ANKRD42: variants seen among roughly 807,000 people sequenced by gnomAD.
ANKRD42 encodes the protein ankyrin repeat domain-containing protein 42.
ANKRD42 carries 43 observed loss-of-function variants against 51.5 expected under a neutral mutation model. The observed-to-expected ratio is 0.83, with a 90% CI of 0.65 to 1.08. The LOEUF (loss-of-function observed/expected upper bound fraction) is 1.08. ANKRD42 is among the 50% of genes least tolerant of loss of function. The probability of loss-of-function intolerance (pLI) is 0.00; values close to 1 mark genes in which losing one functional copy is unlikely to be tolerated. For synonymous variants in ANKRD42, 203 were observed against 213.0 expected, an observed-to-expected ratio of 0.95 and a Z score of 0.41; for missense variants, 608 against 629.3, an observed-to-expected ratio of 0.97 and a Z score of 0.36.
At chr11:83,260,735 A>G (rs970209221), downstream of ANKRD42, 1 of 152,234 alleles carries the variant, frequency 6.6e-6, no homozygotes, top group Non-Finnish European at 1.5e-5. Flanking sequence ...GTAAGACTGA[A>G]GAACTAAGAT....
intron 2 of ANKRD42, among the ~76,000 whole-genome samples, chr11:83,203,331 G>C (rs1394341512): frequency 2.0e-5 from 3 of 151,166 alleles, no homozygotes; most frequent in Admixed American, 1.3e-4. Flanking sequence ...GAAACCAAAA[G>C]ATTTTAGTGC....
chr11:83,206,003 A>C lies in ANKRD42; in HGVS notation c.223-55A>C. ...TATGATAACAGACCAAATTTAAAAG[A>C]TAAAAATGTTAAAAACATCCACTTT... On this transcript the variant is annotated intron_variant, in intron 2 of 10. Transcript: ENST00000533342. 3 of 1,465,204 alleles carry C rather than the reference A, an allele frequency of 2.0e-6. No homozygotes were observed. The South Asian group carries it at 3.5e-5, about 17-fold the overall frequency. The allele number at this position is 1,465,204 out of a possible 1,614,324, so 90.8% of individuals were successfully genotyped here. A position where few individuals can be genotyped will look rare whatever the true frequency, so the allele number is the denominator to read the frequency against.
In ANKRD42 at chr11:83,208,672, A is replaced by G. The variant is rs72952663; in HGVS notation, c.331-1628A>G. ...AGTGAAAATTCAAATTTTGAGTCAG[A>G]ATAACAGATAATTATGATGGAATGA... is the stretch of plus-strand genomic sequence containing the variant. On this transcript the variant is annotated intron_variant, in intron 3 of 10. Coordinates refer to ENST00000533342, the MANE Select transcript of ANKRD42 (RefSeq NM_001300975.2). 5.0e-3 allele frequency among the ~76,000 whole-genome samples: 759 copies of G among 152,296 alleles called. 4 individuals are homozygous for G. Among genetic ancestry groups the G allele is most frequent in the Non-Finnish European group, 8.4e-3 (571 of 68,024 alleles).
chr11:83,228,435 G>T (rs1862965405), intron 7 of ANKRD42, among the ~76,000 whole-genome samples: 1 of 151,476 alleles, frequency 6.6e-6, no homozygotes, highest in African/African-American at 2.4e-5. Flanking sequence ...TCACCATGTT[G>T]GCCAGGCTGA....
At position 83,224,996 on chromosome 11, in the gene ANKRD42, A is replaced by G. The variant is rs1565188649; in HGVS notation, c.728A>G (p.Asn243Ser). Residue 243 changes from asparagine to serine, a missense_variant, in exon 6 of 11, where the codon AAC becomes AGC. Coordinates refer to ENST00000533342, the MANE Select transcript of ANKRD42 (RefSeq NM_001300975.2). ...LDLAQRFFKQNILQFIQGAEY... is the reference protein window; with the variant it reads ...LDLAQRFFKQSILQFIQGAEY... ...TTGGCCCAGAGGTTCTTCAAGCAGA[A>G]CATTTTACAGTTTATCCAGGGGGCT... The G allele has an allele frequency of 2.5e-6, 4 of 1,613,582 alleles. No individual in the cohort carries two copies. The highest frequency in any genetic ancestry group is 2.5e-6 in the Non-Finnish European group (3 of 1,179,618).
intron 6 of ANKRD42, 80 bp downstream of exon 6, chr11:83,225,135 T>C: frequency 8.0e-7 from 1 of 1,254,688 alleles, no homozygotes; most frequent in Non-Finnish European, 1.1e-6. Flanking sequence ...ATCAATGAAA[T>C]AGGAAAAGAT....
chr11:83,243,335 C>A (rs760663699), intron 9 of ANKRD42, among the ~76,000 whole-genome samples: 2 of 151,978 alleles, frequency 1.3e-5, no homozygotes, highest in Non-Finnish European at 2.9e-5. Context: ...TGTAGTGTCT[C>A]GACATCACAG....
downstream of ANKRD42, among the ~76,000 whole-genome samples, chr11:83,258,117 C>T (rs1397323485): frequency 6.6e-6 from 1 of 152,116 alleles, no homozygotes; most frequent in Non-Finnish European, 1.5e-5. Context: ...ACCAGGATGG[C>T]AGAGCAGTAA....
At chr11:83,206,224 T>C (rs146193345) in intron 3 of ANKRD42, 59 bp downstream of exon 3, 1 of 1,330,958 alleles carries the variant, frequency 7.5e-7, no homozygotes, top group South Asian at 1.2e-5. Context: ...TGTTGGGATA[T>C]TGCTATTATT....
rs185331968 is a variant in ANKRD42, at chr11:83,195,931, C to T, written c.58+1203C>T. ...GCGGTCCTCAGCTCACTGCAATCTC[C>T]GCCTTCCAGGTTCACACCATTCTTC... On this transcript the variant is annotated intron_variant, in intron 1 of 10. Coordinates refer to ENST00000533342, the MANE Select transcript of ANKRD42 (RefSeq NM_001300975.2). Among the ~76,000 whole-genome samples, 15 of 151,570 alleles carry T rather than the reference C, an allele frequency of 9.9e-5. No homozygotes were observed. In the East Asian group the frequency reaches 1.7e-3, roughly 18 times the overall value.
rs1863365569 is a variant in ANKRD42 at position 83,240,884 on chromosome 11, A to T, written c.1145A>T (p.Asp382Val). The T allele has an allele frequency of 6.2e-7, 1 of 1,614,012 alleles. No homozygotes were observed. The highest frequency in any genetic ancestry group is 1.1e-5 in the South Asian group (1 of 91,080). ...AGACATGGTGTTGAGGGAAGCACTG[A>T]TGCCAAGGATGATTTATGTCTGAGT... ...FIRHGVEGSTDAKDDLCLSDL... is the reference protein window; with the variant it reads ...FIRHGVEGSTVAKDDLCLSDL... The change falls in exon 9 of 11, where the codon GAT becomes GTT. Residue 382 changes from aspartate (D) to valine (V), a missense_variant. Asp to Val is a radical substitution (Grantham distance 152). Transcript: ENST00000533342.
chr11:83,233,235 G>T (rs1863133648), intron 7 of ANKRD42, among the ~76,000 whole-genome samples: 1 of 150,178 alleles, frequency 6.7e-6, no homozygotes. Context: ...TTTTTAACTG[G>T]GAGACTTTTT....
chr11:83,239,820 T>G (rs1422444066), intron 8 of ANKRD42, among the ~76,000 whole-genome samples: 4 of 152,226 alleles, frequency 2.6e-5, no homozygotes, highest in African/African-American at 9.6e-5. Flanking sequence ...CCACATTTTT[T>G]TCTCATGCAC....
intron 7 of ANKRD42, among the ~76,000 whole-genome samples, chr11:83,229,420 C>T (rs572724968): frequency 6.6e-6 from 1 of 152,156 alleles, no homozygotes; most frequent in Admixed American, 6.5e-5. Context: ...ATTTCATATC[C>T]TACATATGTT....
chr11:83,216,145 T>C (rs1471115815), intron 5 of ANKRD42, among the ~76,000 whole-genome samples: 2 of 152,150 alleles, frequency 1.3e-5, no homozygotes, highest in Non-Finnish European at 2.9e-5. Flanking sequence ...CTATAGCTAT[T>C]ATTATTGTTG....
intron 5 of ANKRD42, among the ~76,000 whole-genome samples, chr11:83,215,443 C>A (rs1010700057): frequency 1.3e-5 from 2 of 152,036 alleles, no homozygotes; most frequent in Non-Finnish European, 2.9e-5. Flanking sequence ...CATCTACATT[C>A]AGTGTTGTTA....
intron 4 of ANKRD42, among the ~76,000 whole-genome samples, chr11:83,211,018 T>C (rs971092252): frequency 8.5e-5 from 13 of 152,240 alleles, no homozygotes; most frequent in African/African-American, 3.1e-4. Flanking sequence ...TCTATCCCTT[T>C]CATTTTATTG....
In ANKRD42 at chr11:83,203,398, T is replaced by C. The variant is rs549779989; in HGVS notation, c.223-2660T>C. On this transcript the variant is annotated intron_variant, in intron 2 of 10. Transcript: ENST00000533342. The stretch of plus-strand genomic sequence containing the variant: ...TAAGTTTTCCTTTTTTTCTTTCTTT[T>C]TTTTTTTTTTTTTGAGAGGGAGTCT... Among the ~76,000 whole-genome samples, 15 of 149,520 alleles carry C rather than the reference T, an allele frequency of 1.0e-4. No individual in the cohort carries two copies. The South Asian group carries it at 1.7e-3, about 17-fold the overall frequency.
At chr11:83,241,669 A>G (rs1247281793) in intron 9 of ANKRD42, among the ~76,000 whole-genome samples, 1 of 152,188 alleles carries the variant, frequency 6.6e-6, no homozygotes, top group Non-Finnish European at 1.5e-5. Context: ...GTAGGGCCTA[A>G]TAAGGATTTT....
Sources: allele counts gnomAD v4.1 joint callset (sites outside exome capture counted in the v4.1 genomes callset), GRCh38; gene constraint gnomAD v4.1.1; transcripts MANE v1.5; gene names NCBI Gene and HGNC (gene_info 2026-07-23, HGNC 2026-07-21).